The following RALYL variants were observed in gnomAD, a reference collection of about 807,000 sequenced individuals.
RALYL encodes RNA-binding Raly-like protein.
Under a neutral mutation model 35.1 loss-of-function variants are expected in RALYL, and 29 were observed. The ratio of observed to expected loss-of-function variants is 0.83; its 90% CI spans 0.61 to 1.13. The LOEUF is 1.13. Among genes scored for constraint, RALYL ranks in the 50% most tolerant of loss-of-function variants. The probability of loss-of-function intolerance (pLI) is 0.00; values close to 1 mark genes in which losing one functional copy is unlikely to be tolerated. For synonymous variants in RALYL, 120 were observed against 127.6 expected (o/e 0.94, Z 0.40); for missense variants, 359 against 360.4 (o/e 1.00, Z 0.03).
chr8:84,752,995 T>C (rs959504688), intron 2 of RALYL, among the ~76,000 whole-genome samples: 16 of 152,076 alleles, frequency 1.1e-4, no homozygotes, highest in South Asian at 8.3e-4. Flanking sequence ...GAATGGTAGA[T>C]CCACTGGCAG....
intron 2 of RALYL, among the ~76,000 whole-genome samples, chr8:84,564,095 A>T (rs1378706172): frequency 2.0e-5 from 3 of 151,738 alleles, no homozygotes; most frequent in Non-Finnish European, 4.4e-5. Flanking sequence ...TCTTAGATTT[A>T]ATTCTTATAG....
intron 1 of RALYL, among the ~76,000 whole-genome samples, chr8:84,275,641 A>G (rs999921090): frequency 2.0e-5 from 3 of 152,036 alleles, no homozygotes; most frequent in African/African-American, 4.8e-5. Flanking sequence ...TATTCTTTCT[A>G]TCAAATCGAA....
At chr8:84,655,059 C>T (rs1829690881) in intron 2 of RALYL, among the ~76,000 whole-genome samples, 1 of 152,116 alleles carries the variant, frequency 6.6e-6, no homozygotes, top group South Asian at 2.1e-4. Context: ...TTCTCACCAA[C>T]AGTGCACGAA....
At chr8:84,553,194 C>A (rs2060868215) in intron 2 of RALYL, among the ~76,000 whole-genome samples, 1 of 152,184 alleles carries the variant, frequency 6.6e-6, no homozygotes, top group South Asian at 2.1e-4. Flanking sequence ...GCATCTTGCT[C>A]TGTTGCCCAG....
chr8:84,621,841 C>G (rs116595459), intron 2 of RALYL, among the ~76,000 whole-genome samples: 4 of 152,332 alleles, frequency 2.6e-5, no homozygotes, highest in African/African-American at 4.8e-5. Flanking sequence ...AATGTCAACT[C>G]TAGCCTATGT....
At chr8:84,500,692 A>G (rs1417104642) in intron 1 of RALYL, among the ~76,000 whole-genome samples, 1 of 152,176 alleles carries the variant, frequency 6.6e-6, no homozygotes, top group East Asian at 1.9e-4. Flanking sequence ...TTCATGAAAA[A>G]GGGACATTTT....
At chr8:84,304,538 T>TAAACACTAGCAC (rs1368091357) in intron 1 of RALYL, among the ~76,000 whole-genome samples, 2 of 152,216 alleles carry the variant, frequency 1.3e-5, no homozygotes, top group Non-Finnish European at 1.5e-5. Flanking sequence ...AATTAATTAA[T>TAAACACTAGCAC]AAACACTAGC....
intron 1 of RALYL, among the ~76,000 whole-genome samples, chr8:84,228,154 CAAAAAAAA>C (rs57543989): frequency 1.8e-4 from 22 of 123,776 alleles, no homozygotes; most frequent in South Asian, 2.7e-4. Flanking sequence ...AATAGTCTAG[CAAAAAAAA>C]AAAAAAAAAA....
intron 2 of RALYL, among the ~76,000 whole-genome samples, chr8:84,670,378 T>G (rs192709035): frequency 5.9e-5 from 9 of 152,254 alleles, no homozygotes; most frequent in Middle Eastern, 3.4e-3. Context: ...GACTATCCCT[T>G]GAGAAAGAGA....
At chr8:84,264,456 T>G (rs1482878315) in intron 1 of RALYL, among the ~76,000 whole-genome samples, 2 of 151,628 alleles carry the variant, frequency 1.3e-5, no homozygotes, top group East Asian at 3.9e-4. Context: ...ATGGTTTTTT[T>G]TTTTTTTTTT....
At chr8:84,204,232 A>T (rs758650077) in intron 1 of RALYL, among the ~76,000 whole-genome samples, 6 of 152,070 alleles carry the variant, frequency 3.9e-5, no homozygotes, top group Non-Finnish European at 8.8e-5. Context: ...TGATCTTTTA[A>T]CAGGTTGACT....
At chr8:84,304,982 A>T (rs1841513780) in intron 1 of RALYL, among the ~76,000 whole-genome samples, 1 of 152,164 alleles carries the variant, frequency 6.6e-6, no homozygotes, top group African/African-American at 2.4e-5. Context: ...ATTTTATTAA[A>T]ACTGTTTATT....
At chr8:84,780,661 T>G (rs1185882805) in intron 3 of RALYL, among the ~76,000 whole-genome samples, 2 of 152,298 alleles carry the variant, frequency 1.3e-5, no homozygotes, top group Non-Finnish European at 2.9e-5. Flanking sequence ...GCATTATCAG[T>G]GCTTTGAATT....
At chr8:84,561,991 T>C (rs1216140685) in intron 2 of RALYL, among the ~76,000 whole-genome samples, 3 of 152,042 alleles carry the variant, frequency 2.0e-5, no homozygotes, top group Admixed American at 1.3e-4. Flanking sequence ...CAAACAGTTG[T>C]TCTTTGATTT....
At chr8:84,254,255 C>T (rs1187070805) in intron 1 of RALYL, among the ~76,000 whole-genome samples, 1 of 152,078 alleles carries the variant, frequency 6.6e-6, no homozygotes, top group East Asian at 1.9e-4. Flanking sequence ...AAGCAGTAAA[C>T]TATTTTTTGC....
At chr8:84,671,706 C>T (rs926738006) in intron 2 of RALYL, among the ~76,000 whole-genome samples, 1 of 152,168 alleles carries the variant, frequency 6.6e-6, no homozygotes, top group Non-Finnish European at 1.5e-5. Context: ...CACAGGGCAC[C>T]AAGTACCAAG....
intron 1 of RALYL, among the ~76,000 whole-genome samples, chr8:84,318,235 T>C (rs895580602): frequency 6.6e-6 from 1 of 152,218 alleles, no homozygotes; most frequent in Non-Finnish European, 1.5e-5. Context: ...GCTGCATGCC[T>C]GTGAGGCTGG....
intron 1 of RALYL, among the ~76,000 whole-genome samples, chr8:84,226,661 A>C (rs146867806): frequency 0.017 from 2,559 of 152,324 alleles, 44 homozygotes; most frequent in South Asian, 0.078. Context: ...TTTCAATTGT[A>C]CTTAGCTGAA....
chr8:84,216,110 A>G (rs1176316399), intron 1 of RALYL, among the ~76,000 whole-genome samples: 2 of 152,152 alleles, frequency 1.3e-5, no homozygotes, highest in African/African-American at 4.8e-5. Context: ...CAGGGCTGTA[A>G]TTATCTCTGT....
Sources: gnomAD v4.1 joint callset for allele counts (sites outside exome capture counted in the v4.1 genomes callset) on GRCh38, gnomAD v4.1.1 for gene constraint, MANE v1.5 for transcripts, NCBI Gene and HGNC (gene_info 2026-07-23, HGNC 2026-07-21) for gene names.